The following EPM2A variants were observed in gnomAD, a reference collection of about 807,000 sequenced individuals.
EPM2A encodes the protein EPM2A glucan phosphatase, laforin, also known as laforin.
In EPM2A, 21 loss-of-function variants were observed where a neutral mutation model predicts 26.5. The ratio of observed to expected loss-of-function variants is 0.79; its 90% CI spans 0.56 to 1.14. The LOEUF (loss-of-function observed/expected upper bound fraction) is 1.14, where lower values mean the gene tolerates loss of function less well. EPM2A is among the 50% of genes most tolerant of loss of function. The pLI, the probability that EPM2A is intolerant of heterozygous loss-of-function variation, is 0.00. For missense variants in EPM2A, 458 were observed against 440.8 expected, an observed-to-expected ratio of 1.04 and a Z score of -0.35; for synonymous variants, 217 against 177.6, an observed-to-expected ratio of 1.22 and a Z score of -1.76.
At chr6:145,590,097 A>G (rs995929147) in intron 2 of EPM2A, among the ~76,000 whole-genome samples, 1 of 152,150 alleles carries the variant, frequency 6.6e-6, no homozygotes. Flanking sequence ...TACAAATTAT[A>G]GAAATACTTA....
chr6:145,387,888 C>T (rs566905141), intron 4 of EPM2A, among the ~76,000 whole-genome samples: 13 of 151,662 alleles, frequency 8.6e-5, no homozygotes, highest in South Asian at 2.1e-4. Context: ...GTGATAGATG[C>T]GGGAAGGGTG....
chr6:145,622,013 G>A (rs889082730), downstream of EPM2A, among the ~76,000 whole-genome samples: 1 of 152,076 alleles, frequency 6.6e-6, no homozygotes, highest in African/African-American at 2.4e-5. Context: ...AAAAATCATA[G>A]CTGAGACCAA....
intron 4 of EPM2A, among the ~76,000 whole-genome samples, chr6:145,409,573 C>A (rs1176605035): frequency 6.6e-6 from 1 of 152,110 alleles, no homozygotes; most frequent in Non-Finnish European, 1.5e-5. Flanking sequence ...AAATTATACA[C>A]CACTATTTTT....
intron 2 of EPM2A, among the ~76,000 whole-genome samples, chr6:145,526,025 G>GC (rs1780268504): frequency 6.6e-6 from 1 of 151,994 alleles, no homozygotes; most frequent in Non-Finnish European, 1.5e-5. Flanking sequence ...TTTATTGAAA[G>GC]TTTTTTCATT....
intron 2 of EPM2A, chr6:145,637,375 T>C (rs1339049682): frequency 1.3e-5 from 2 of 152,174 alleles, no homozygotes; most frequent in Non-Finnish European, 2.9e-5. Flanking sequence ...AATCCTCTAA[T>C]GTGGTCATGA....
chr6:145,404,997 G>A (rs552039853), intron 4 of EPM2A, among the ~76,000 whole-genome samples: 148 of 152,192 alleles, frequency 9.7e-4, no homozygotes, highest in African/African-American at 3.3e-3. Context: ...ATTTTCACAG[G>A]AAAGTAATGA....
At chr6:145,671,135 T>C (rs2128599176) in intron 2 of EPM2A, 1 of 996,356 alleles carries the variant, frequency 1.0e-6, no homozygotes. Flanking sequence ...TCTGTGGCTA[T>C]TCTCTGTTTA....
At chr6:145,550,510 A>C (rs6921536) in intron 2 of EPM2A, among the ~76,000 whole-genome samples, 14,128 of 151,996 alleles carry the variant, frequency 0.093, 807 homozygotes, top group East Asian at 0.17. Context: ...TCAAATCCTC[A>C]GAAAGAAGAG....
chr6:145,585,966 A>C (rs1410529224), intron 2 of EPM2A, among the ~76,000 whole-genome samples: 6 of 152,114 alleles, frequency 3.9e-5, no homozygotes, highest in Admixed American at 6.5e-5. Context: ...CAGTCTTGTG[A>C]CTGGGAATTT....
intron 4 of EPM2A, among the ~76,000 whole-genome samples, chr6:145,393,096 G>A (rs1778359368): frequency 1.3e-5 from 2 of 151,862 alleles, no homozygotes; most frequent in Non-Finnish European, 2.9e-5. Context: ...GAGACCTTTA[G>A]TACTCTGGTC....
chr6:145,711,664 G>A (rs6930335), intron 1 of EPM2A, among the ~76,000 whole-genome samples: 10,144 of 152,172 alleles, frequency 0.067, 1,137 homozygotes, highest in African/African-American at 0.23. Flanking sequence ...ATAAATGATA[G>A]TATTAGAGTT....
intron 2 of EPM2A, among the ~76,000 whole-genome samples, chr6:145,567,097 T>G (rs1469482336): frequency 6.6e-6 from 1 of 152,156 alleles, no homozygotes; most frequent in Non-Finnish European, 1.5e-5. Flanking sequence ...GGGAAATAGG[T>G]GCAGCAGGAA....
chr6:145,697,857 T>C (rs1308079710), intron 1 of EPM2A, among the ~76,000 whole-genome samples: 1 of 152,150 alleles, frequency 6.6e-6, no homozygotes, highest in Non-Finnish European at 1.5e-5. Flanking sequence ...ACACATGCTG[T>C]ACAAACAATT....
chr6:145,468,699 C>T (rs1217382943), intron 4 of EPM2A, among the ~76,000 whole-genome samples: 1 of 151,998 alleles, frequency 6.6e-6, no homozygotes, highest in Non-Finnish European at 1.5e-5. Flanking sequence ...CATTGGGGAA[C>T]CTCCCCCAGG....
intron 2 of EPM2A, among the ~76,000 whole-genome samples, chr6:145,677,097 G>A (rs1320670184): frequency 6.6e-6 from 1 of 152,150 alleles, no homozygotes; most frequent in African/African-American, 2.4e-5. Flanking sequence ...AATCAAGCTG[G>A]CTTCATCCGT....
At position 145,558,662 on chromosome 6, in the gene EPM2A, T is replaced by A. The variant is rs146642693; in HGVS notation, c.341-56087A>T. Among the ~76,000 whole-genome samples, 369 of 152,252 alleles carry A rather than the reference T, an allele frequency of 2.4e-3. 4 individuals are homozygous for A. Among genetic ancestry groups the A allele is most frequent in the African/African-American group, 8.3e-3 (347 of 41,578 alleles). On this transcript the variant is annotated intron_variant, in intron 2 of 3. Coordinates refer to the EPM2A transcript ENST00000450221. ...GTGATTTTGAGCATATTTTCATGTA[T>A]ATGTTGGCCATTTGTACGTGCTTTT...
At chr6:145,729,802 G>C (rs958686193) in intron 1 of EPM2A, among the ~76,000 whole-genome samples, 1 of 152,142 alleles carries the variant, frequency 6.6e-6, no homozygotes, top group Admixed American at 6.5e-5. Flanking sequence ...AGTGTGAGAA[G>C]GACAGGAGAT....
chr6:145,491,136 T>G (rs1779749109), intron 4 of EPM2A: 1 of 564,758 alleles, frequency 1.8e-6, no homozygotes. Flanking sequence ...TATTTTCCTC[T>G]AATGGAGCTG....
intron 2 of EPM2A, among the ~76,000 whole-genome samples, chr6:145,510,026 G>C (rs1046047604): frequency 6.6e-6 from 1 of 151,878 alleles, no homozygotes; most frequent in Non-Finnish European, 1.5e-5. Context: ...CGTTCAACAA[G>C]AAGATTTCAC....
Sources: gnomAD v4.1 joint callset for allele counts (sites outside exome capture counted in the v4.1 genomes callset) on GRCh38, gnomAD v4.1.1 for gene constraint, MANE v1.5 for transcripts, NCBI Gene and HGNC (gene_info 2026-07-23, HGNC 2026-07-21) for gene names.